The following NOTCH1 variants were observed in gnomAD, a reference collection of about 807,000 sequenced individuals.
The protein encoded by NOTCH1 is notch receptor 1.
A neutral mutation model predicts 254.8 loss-of-function variants in NOTCH1; 37 were observed. The observed-to-expected ratio is 0.15, with a 90% confidence interval of 0.11 to 0.19. NOTCH1 has a LOEUF of 0.19. Among genes scored for constraint, NOTCH1 ranks in the 10% least tolerant of loss-of-function variants. NOTCH1 has a pLI of 1.00. For missense variants in NOTCH1, 2,972 were observed against 3,708.6 expected (o/e 0.80, Z 5.16); for synonymous variants, 1,731 against 1,618.1 (o/e 1.07, Z -1.68).
chr9:136,502,844 ATTC>A (rs1002881842), intron 27 of NOTCH1: 24 of 580,298 alleles, frequency 4.1e-5, no homozygotes, highest in Middle Eastern at 2.7e-4. Flanking sequence ...ACACCGATCA[ATTC>A]TTCTCTCTCT....
chr9:136,545,115 G>C lies in NOTCH1; in HGVS notation c.61+611C>G, dbSNP rs1212846513. Among the ~76,000 whole-genome samples the C allele has an allele frequency of 6.6e-6, 1 of 151,930 alleles. No homozygotes were observed. Among genetic ancestry groups the C allele is most frequent in the African/African-American group, 2.4e-5 (1 of 41,376 alleles). On this transcript the variant is annotated intron_variant, in intron 1 of 33. Transcript: ENST00000651671. This position sits in a 1 kb window ranked among gnomAD's most constrained non-coding sequence, Gnocchi z 6.8. ...TTCAACTCCGCAAAGCAAAAGGAAA[G>C]TTCAGTCCCCCCGGGCGCGGCGGCT...
rs2133333101 is a variant in NOTCH1, at chr9:136,503,186, C to T, written c.5163G>A (p.Val1721=). The part of the protein sequence containing the change: ...SLNIPYKIEA[V]QSETVEPPPP... ...CCGGGATGGGGCCACACTTACTCTGCACGGCCTCGATCTTGTAGGGGATGT... is the reference window on the plus strand; with the variant it reads ...CCGGGATGGGGCCACACTTACTCTGTACGGCCTCGATCTTGTAGGGGATGT... Residue 1721 remains valine (V), a synonymous_variant, in exon 27 of 34, where the codon GTG becomes GTA. Transcript: ENST00000651671. 6.2e-7 allele frequency: 1 copy of T among 1,612,806 alleles called. No homozygotes were observed. The highest frequency in any genetic ancestry group is 2.2e-5 in the East Asian group (1 of 44,888).
chr9:136,504,560 T>C, intron 26 of NOTCH1, 113 bp downstream of exon 26: 2 of 1,156,686 alleles, frequency 1.7e-6, no homozygotes, highest in Non-Finnish European at 2.4e-6. Flanking sequence ...TCTTTTACCA[T>C]AAAGTGGGGA....
intron 31 of NOTCH1, 46 bp from the exon 32 acceptor site, chr9:136,499,305 C>G (rs746941826): frequency 6.2e-7 from 1 of 1,605,718 alleles, no homozygotes; most frequent in Non-Finnish European, 8.5e-7. Context: ...CAGACGTACA[C>G]CGATGCCTCC....
At chr9:136,519,400 C>A (rs562492414) in intron 5 of NOTCH1, 43 bp downstream of exon 5, 1 of 1,609,948 alleles carries the variant, frequency 6.2e-7, no homozygotes. Flanking sequence ...TGGGTAGCAG[C>A]CCCGCCCCGG....
intron 33 of NOTCH1, 90 bp downstream of exon 33, chr9:136,498,809 C>T (rs1842954190): frequency 6.8e-7 from 1 of 1,464,028 alleles, no homozygotes; most frequent in Admixed American, 1.7e-5. Flanking sequence ...TGGGTCAGGC[C>T]CTTGTGTCCC....
At chr9:136,507,197 G>A in intron 22 of NOTCH1, 108 bp downstream of exon 22, 1 of 1,579,464 alleles carries the variant, frequency 6.3e-7, no homozygotes, top group Non-Finnish European at 8.7e-7. Flanking sequence ...AGGAAAATGG[G>A]AGTTTCTGGC....
In NOTCH1 at chr9:136,506,664, G is replaced by C. The variant is rs1843090632; in HGVS notation, c.3902-25C>G. The C allele has an allele frequency of 6.2e-7, 1 of 1,600,034 alleles. No individual in the cohort carries two copies. The highest frequency in any genetic ancestry group is 8.5e-7 in the Non-Finnish European group (1 of 1,174,182). ...CCTAGGGGTAAGAGCAGGGCAGTGA[G>C]AGGCTCACCCTGCTGCCCCACACGC... On this transcript the variant is annotated intron_variant, in intron 23 of 33. Coordinates refer to ENST00000651671, the MANE Select transcript of NOTCH1 (RefSeq NM_017617.5). This position sits in a 1 kb window ranked among gnomAD's most constrained non-coding sequence, Gnocchi z 4.5.
At position 136,496,871 on chromosome 9, in the gene NOTCH1, T is replaced by C. The variant is rs1842924133; in HGVS notation, c.6868A>G (p.Ser2290Gly). Residue 2290 changes from serine to glycine, a missense_variant, in exon 34 of 34, where the codon AGC becomes GGC. Transcript: ENST00000651671. The part of the protein sequence containing the change: ...SGTSTVLGSS[S>G]GGALNFTVGG... ...ACAGTGAAATTCAGGGCCCCTCCGCTGCTGGAGCCCAGGACGGTGCTGGTG... is the reference window on the plus strand; with the variant it reads ...ACAGTGAAATTCAGGGCCCCTCCGCCGCTGGAGCCCAGGACGGTGCTGGTG... 1.2e-6 allele frequency: 2 copies of C among 1,612,798 alleles called. No homozygotes were observed. Among genetic ancestry groups the C allele is most frequent in the Non-Finnish European group, 1.7e-6 (2 of 1,180,010 alleles).
At chr9:136,508,831 G>A (rs766698070) in intron 19 of NOTCH1, 39 bp downstream of exon 19, 3 of 1,523,002 alleles carry the variant, frequency 2.0e-6, no homozygotes, top group Non-Finnish European at 2.7e-6. Flanking sequence ...ACCCACCCAG[G>A]GCCCCTCCTT....
rs1394721729 is a variant in NOTCH1 at position 136,545,605 on chromosome 9, T to C, written c.61+121A>G. The C allele has an allele frequency of 2.6e-6, 2 of 759,536 alleles. No homozygotes were observed. The highest frequency in any genetic ancestry group is 3.9e-6 in the Non-Finnish European group (2 of 517,534). The allele number at this position is 759,536 out of a possible 1,614,324, so 47.0% of individuals were successfully genotyped here. Reference sequence around the variant, plus strand: ...AACCCCACGCCCCGGGCCGCCCGCTTTTCCCTCTCCATGCTGGCCTCCCCG... The same window carrying C: ...AACCCCACGCCCCGGGCCGCCCGCTCTTCCCTCTCCATGCTGGCCTCCCCG... On this transcript the variant is annotated intron_variant, in intron 1 of 33. Transcript: ENST00000651671. The surrounding 1 kb of genome is among the most constrained non-coding windows in gnomAD (Gnocchi z 6.8).
At chr9:136,521,647 C>T (rs533210482) in intron 4 of NOTCH1, among the ~76,000 whole-genome samples, 2 of 152,362 alleles carry the variant, frequency 1.3e-5, no homozygotes, top group African/African-American at 4.8e-5. Context: ...CAGAAGGGCT[C>T]TGCGCCCCAC....
intron 31 of NOTCH1, among the ~76,000 whole-genome samples, chr9:136,499,893 G>C (rs13301342): frequency 1.3e-4 from 20 of 152,192 alleles, no homozygotes; most frequent in Non-Finnish European, 1.8e-4. Flanking sequence ...TTATTTCTGC[G>C]AGATGACAAT....
rs1394594896 is a variant in NOTCH1 at position 136,505,810 on chromosome 9, T to C, written c.4086A>G (p.Thr1362=). ...CGSLRCLNGG[T]CISGPRSPTC... ...TGGGGCTGCGCGGGCCGGAGATGCA[T>C]GTGCCGCCGTTGAGGCAGCGCAGGC... Residue 1362 remains threonine (T), a synonymous_variant, in exon 25 of 34, where the codon ACA becomes ACG. Transcript: ENST00000651671. 17 of 1,589,380 alleles carry C rather than the reference T, an allele frequency of 1.1e-5. No homozygotes were observed. Among genetic ancestry groups the C allele is most frequent in the Admixed American group, 1.7e-5 (1 of 58,550 alleles).
chr9:136,512,812 A>AG (rs1843201562), intron 15 of NOTCH1, among the ~76,000 whole-genome samples: 1 of 152,022 alleles, frequency 6.6e-6, no homozygotes, highest in African/African-American at 2.4e-5. Flanking sequence ...CACATACTGC[A>AG]GGGGCCTAAG....
chr9:136,537,063 G>T (rs1351426607), intron 2 of NOTCH1, among the ~76,000 whole-genome samples: 9 of 152,362 alleles, frequency 5.9e-5, no homozygotes, highest in African/African-American at 2.2e-4. Flanking sequence ...GGGCACGCCA[G>T]TCCATCCTAC....
intron 24 of NOTCH1, 100 bp from the exon 25 acceptor site, chr9:136,505,981 C>G: frequency 9.1e-7 from 1 of 1,099,122 alleles, no homozygotes; most frequent in Non-Finnish European, 1.3e-6. Flanking sequence ...CCGCTCTCCT[C>G]TAACCTGGGA....
In NOTCH1 at chr9:136,507,476, C is replaced by A. The variant is rs7040584; in HGVS notation, c.3511-39G>T. 35 of 1,571,352 alleles carry A rather than the reference C, an allele frequency of 2.2e-5. No homozygotes were observed. The African/African-American group carries it at 4.7e-4, about 21-fold the overall frequency. ...AGAACGAGGGGCCCTTCGGCTCAGCCGGCGCCAGGATGCAGTGCTCCCACA... is the reference window on the plus strand; with the variant it reads ...AGAACGAGGGGCCCTTCGGCTCAGCAGGCGCCAGGATGCAGTGCTCCCACA... On this transcript the variant is annotated intron_variant, in intron 21 of 33. Transcript: ENST00000651671.
rs567455787 is a variant in NOTCH1, at chr9:136,496,855, T to A, written c.6884A>T (p.Asn2295Ile). ...VLGSSSGGAL[N>I]FTVGGSTSLN... is the part of the protein sequence containing the mutation. ...ACTGGTGGACCCGCCCACAGTGAAATTCAGGGCCCCTCCGCTGCTGGAGCC... is the reference window on the plus strand; with the variant it reads ...ACTGGTGGACCCGCCCACAGTGAAAATCAGGGCCCCTCCGCTGCTGGAGCC... Residue 2295 changes from asparagine (N) to isoleucine (I), a missense_variant, in exon 34 of 34, where the codon AAT becomes ATT. Coordinates refer to ENST00000651671, the MANE Select transcript of NOTCH1 (RefSeq NM_017617.5). 2.5e-6 allele frequency: 4 copies of A among 1,612,862 alleles called. No homozygotes were observed. Among genetic ancestry groups the A allele is most frequent in the Non-Finnish European group, 3.4e-6 (4 of 1,179,982 alleles).
Sources: gnomAD v4.1 joint callset for allele counts (sites outside exome capture counted in the v4.1 genomes callset) on GRCh38, gnomAD v4.1.1 for gene constraint, Gnocchi (gnomAD v3.1) non-coding constraint, MANE v1.5 for transcripts, NCBI Gene and HGNC (gene_info 2026-07-23, HGNC 2026-07-21) for gene names.